Variants in PTPRN2 observed in about 807,000 individuals in gnomAD.
PTPRN2 encodes the protein receptor-type tyrosine-protein phosphatase N2.
A neutral mutation model predicts 118.8 loss-of-function variants in PTPRN2; 74 were observed. The observed-to-expected ratio is 0.62, with a 90% confidence interval of 0.52 to 0.76. PTPRN2 has a LOEUF of 0.76. Ranked by LOEUF, PTPRN2 falls within the 30% of genes least tolerant of loss-of-function variation. The pLI is 0.00. For missense variants in PTPRN2, 1,481 were observed against 1,394.4 expected (o/e 1.06, Z -0.99); for synonymous variants, 641 against 608.0 (o/e 1.05, Z -0.80).
chr7:158,313,583 C>T (rs1418145270), intron 3 of PTPRN2, among the ~76,000 whole-genome samples: 3 of 152,040 alleles, frequency 2.0e-5, no homozygotes, highest in East Asian at 3.9e-4. Flanking sequence ...CCTACGACCC[C>T]CCATCTCCAC....
At chr7:157,672,661 G>C (rs926967296) in intron 13 of PTPRN2, among the ~76,000 whole-genome samples, 2 of 152,118 alleles carry the variant, frequency 1.3e-5, no homozygotes, top group African/African-American at 4.8e-5. Context: ...TCCAGCTTCC[G>C]CTCTCCTCAG....
intron 11 of PTPRN2, among the ~76,000 whole-genome samples, chr7:158,070,666 G>T (rs1419582252): frequency 1.6e-5 from 2 of 127,736 alleles, no homozygotes; most frequent in East Asian, 4.7e-4. Flanking sequence ...AGGTGCTCCT[G>T]GTGGTGGAGG....
intron 12 of PTPRN2, among the ~76,000 whole-genome samples, chr7:157,755,213 T>C (rs1041632102): frequency 6.6e-6 from 1 of 152,168 alleles, no homozygotes; most frequent in Non-Finnish European, 1.5e-5. Context: ...TTAAAAATCT[T>C]TATGAAAGAT....
chr7:158,116,654 T>G (rs1168980388), intron 9 of PTPRN2, among the ~76,000 whole-genome samples: 1 of 152,234 alleles, frequency 6.6e-6, no homozygotes, highest in Non-Finnish European at 1.5e-5. Context: ...CACCATTGTT[T>G]GGCCACCTCC....
chr7:158,419,174 C>G (rs558956990), intron 2 of PTPRN2, among the ~76,000 whole-genome samples: 12 of 152,328 alleles, frequency 7.9e-5, no homozygotes, highest in African/African-American at 2.9e-4. Context: ...AGCCTTGAGG[C>G]AGGGTTCTGG....
chr7:157,931,805 G>A (rs977123718), intron 11 of PTPRN2, among the ~76,000 whole-genome samples: 3 of 152,118 alleles, frequency 2.0e-5, no homozygotes, highest in East Asian at 1.9e-4. Context: ...CGTGCAGGGC[G>A]GGGCAACATG....
intron 9 of PTPRN2, among the ~76,000 whole-genome samples, chr7:158,121,047 T>A (rs904935454): frequency 6.6e-6 from 1 of 152,104 alleles, no homozygotes; most frequent in African/African-American, 2.4e-5. Context: ...CTTCCTTTTT[T>A]TCGTGTGGCT....
intron 5 of PTPRN2, among the ~76,000 whole-genome samples, chr7:158,177,516 C>T (rs760213133): frequency 9.2e-5 from 14 of 152,154 alleles, no homozygotes; most frequent in East Asian, 1.9e-4. Context: ...GAATACATTC[C>T]GGTGCCCCTG....
chr7:158,337,132 C>G (rs373790855), intron 2 of PTPRN2, among the ~76,000 whole-genome samples: 3,611 of 109,256 alleles, frequency 0.033, no homozygotes, highest in African/African-American at 0.083. Context: ...ACAGAGGTCA[C>G]TTACAGCCAT....
At chr7:157,734,590 A>T (rs958627952) in intron 12 of PTPRN2, among the ~76,000 whole-genome samples, 7 of 152,222 alleles carry the variant, frequency 4.6e-5, no homozygotes, top group Admixed American at 4.6e-4. Flanking sequence ...TTTTAGCAAC[A>T]TCCCAGTGAC....
rs537487030 is a variant in PTPRN2, at chr7:158,203,186, C to T, written c.380+1985G>A. Among the ~76,000 whole-genome samples the T allele has an allele frequency of 6.6e-4, 80 of 120,602 alleles. 1 individual carries two copies. The highest frequency in any genetic ancestry group is 2.1e-3 in the African/African-American group (65 of 30,746). The allele number at this position is 120,602 out of a possible 152,430, so 79.1% of individuals were successfully genotyped here. A position where few individuals can be genotyped will look rare whatever the true frequency, so the allele number is the denominator to read the frequency against. ...GGTGGAGGCTGTAGTGAGCCAAGAT[C>T]GTGCCACTGCACTCCGGCCTAGGTG... On this transcript the variant is annotated intron_variant, in intron 4 of 22. Coordinates refer to ENST00000389418, the MANE Select transcript of PTPRN2 (RefSeq NM_002847.5).
chr7:158,267,212 A>G (rs966088789), intron 3 of PTPRN2, among the ~76,000 whole-genome samples: 21 of 152,252 alleles, frequency 1.4e-4, no homozygotes, highest in African/African-American at 4.6e-4. Flanking sequence ...GGGACCTGCC[A>G]ACCTGCTTGT....
intron 2 of PTPRN2, among the ~76,000 whole-genome samples, chr7:158,318,493 G>A (rs891951184): frequency 6.6e-6 from 1 of 152,200 alleles, no homozygotes; most frequent in Admixed American, 6.5e-5. Context: ...CCACGGGCCA[G>A]GAAGAACCAA....
At chr7:157,812,198 G>T (rs1407198420) in intron 12 of PTPRN2, among the ~76,000 whole-genome samples, 1 of 152,182 alleles carries the variant, frequency 6.6e-6, no homozygotes, top group Non-Finnish European at 1.5e-5. Flanking sequence ...AGCCCCTTTT[G>T]GATGTGAGGT....
intron 2 of PTPRN2, among the ~76,000 whole-genome samples, chr7:158,359,586 T>A (rs1398685105): frequency 6.6e-6 from 1 of 152,158 alleles, no homozygotes; most frequent in Non-Finnish European, 1.5e-5. Flanking sequence ...GGTTGTTTTT[T>A]CAAAGATTAA....
rs186905024 is a variant in PTPRN2 at position 158,146,699 on chromosome 7, C to A, written c.911-8184G>T. ...TCGCGCCACTGCACTCCAGCCTGGG[C>A]GACAGAGCGAGACTCTGCCTCAAAA... is the stretch of plus-strand genomic sequence containing the variant. On this transcript the variant is annotated intron_variant, in intron 6 of 22. Coordinates refer to ENST00000389418, the MANE Select transcript of PTPRN2 (RefSeq NM_002847.5). Among the ~76,000 whole-genome samples the A allele has an allele frequency of 7.1e-4, 97 of 136,768 alleles. 2 individuals are homozygous for A. The highest frequency in any genetic ancestry group is 1.1e-3 in the Non-Finnish European group (70 of 64,198). 89.7% of individuals were successfully genotyped at this position (136,768 alleles called of 152,430 possible).
intron 1 of PTPRN2, among the ~76,000 whole-genome samples, chr7:158,518,715 TG>T: frequency 1.3e-5 from 2 of 152,114 alleles, no homozygotes. Flanking sequence ...CCAGGCGCGG[TG>T]GTTCATGCCT....
intron 12 of PTPRN2, among the ~76,000 whole-genome samples, chr7:157,882,394 T>C (rs1202605566): frequency 1.5e-5 from 2 of 134,334 alleles, no homozygotes; most frequent in African/African-American, 2.9e-5. Flanking sequence ...GAGACCAGAA[T>C]ACACCACCCT....
At chr7:157,754,443 G>A (rs1411328957) in intron 12 of PTPRN2, among the ~76,000 whole-genome samples, 1 of 152,268 alleles carries the variant, frequency 6.6e-6, no homozygotes, top group Admixed American at 6.5e-5. Context: ...AAACCGGGAG[G>A]AGGCGGTGTG....
Sources: gnomAD v4.1 joint callset for allele counts (sites outside exome capture counted in the v4.1 genomes callset) on GRCh38, gnomAD v4.1.1 for gene constraint, MANE v1.5 for transcripts, NCBI Gene and HGNC (gene_info 2026-07-23, HGNC 2026-07-21) for gene names.